RBFOX1: variants seen among roughly 807,000 people sequenced by gnomAD.
The protein encoded by RBFOX1 is RNA binding protein fox-1 homolog 1.
Under a neutral mutation model 57.7 loss-of-function variants are expected in RBFOX1, and 8 were observed. That is an observed-to-expected ratio of 0.14 (90% confidence interval 0.08 to 0.25). RBFOX1 has a LOEUF of 0.25. Among genes scored for constraint, RBFOX1 ranks in the 10% least tolerant of loss-of-function variants. The probability of loss-of-function intolerance (pLI) is 1.00; values close to 1 mark genes in which losing one functional copy is unlikely to be tolerated. For missense variants in RBFOX1, 611 were observed against 548.5 expected, an observed-to-expected ratio of 1.11 and a Z score of -1.14; for synonymous variants, 326 against 222.4, an observed-to-expected ratio of 1.47 and a Z score of -4.15.
chr16:7,360,719 C>T (rs1204183297), intron 4 of RBFOX1, among the ~76,000 whole-genome samples: 4 of 152,208 alleles, frequency 2.6e-5, no homozygotes, highest in East Asian at 1.9e-4. Flanking sequence ...ATGCTGTCAA[C>T]ACACAGCCAA....
intron 3 of RBFOX1, among the ~76,000 whole-genome samples, chr16:6,976,168 G>A (rs8044802): frequency 0.04 from 6,046 of 152,116 alleles, 401 homozygotes; most frequent in African/African-American, 0.14. Flanking sequence ...GCATTAACTG[G>A]TGCTTTGCTA....
intron 2 of RBFOX1, among the ~76,000 whole-genome samples, chr16:5,545,667 A>T (rs974567311): frequency 6.6e-5 from 10 of 152,148 alleles, no homozygotes; most frequent in African/African-American, 1.2e-4. Flanking sequence ...ATTAAAAAAA[A>T]ACCCCTCATC....
intron 2 of RBFOX1, among the ~76,000 whole-genome samples, chr16:6,618,748 G>A (rs1005003395): frequency 6.6e-6 from 1 of 152,130 alleles, no homozygotes; most frequent in Admixed American, 6.5e-5. Context: ...AAAGCTGGCT[G>A]CTCATGGTAA....
chr16:5,942,584 C>T (rs964344913), intron 4 of RBFOX1, among the ~76,000 whole-genome samples: 1 of 152,152 alleles, frequency 6.6e-6, no homozygotes, highest in Non-Finnish European at 1.5e-5. Flanking sequence ...GGATTCAAGT[C>T]CCTTTCATGA....
intron 2 of RBFOX1, among the ~76,000 whole-genome samples, chr16:6,471,936 A>C (rs2095184466): frequency 6.6e-6 from 1 of 152,186 alleles, no homozygotes; most frequent in South Asian, 2.1e-4. Context: ...AGCCAAGGCA[A>C]CAACTTCCCC....
chr16:6,837,697 C>T (rs529517843), intron 3 of RBFOX1, among the ~76,000 whole-genome samples: 1 of 152,280 alleles, frequency 6.6e-6, no homozygotes, highest in Admixed American at 6.5e-5. Flanking sequence ...ATGTGCTAAT[C>T]ACTGTGGGCA....
intron 4 of RBFOX1, among the ~76,000 whole-genome samples, chr16:7,072,152 G>C (rs999238906): frequency 6.6e-6 from 1 of 152,134 alleles, no homozygotes; most frequent in Non-Finnish European, 1.5e-5. Flanking sequence ...TACAACTGTT[G>C]TCCTGGTATA....
intron 4 of RBFOX1, among the ~76,000 whole-genome samples, chr16:7,273,974 A>G (rs989780026): frequency 6.6e-6 from 1 of 152,216 alleles, no homozygotes; most frequent in Non-Finnish European, 1.5e-5. Flanking sequence ...ATCCCCAAGG[A>G]TAGTTCCTGA....
At chr16:6,588,057 G>A (rs749692003) in intron 2 of RBFOX1, among the ~76,000 whole-genome samples, 14 of 148,672 alleles carry the variant, frequency 9.4e-5, no homozygotes, top group African/African-American at 2.2e-4. Flanking sequence ...TGGTGAAACC[G>A]CTGTCTCTAC....
chr16:6,900,392 G>T lies in RBFOX1; in HGVS notation c.-15-151665G>T, dbSNP rs534093050. Among the ~76,000 whole-genome samples, 12 of 152,230 alleles carry T rather than the reference G, an allele frequency of 7.9e-5. No homozygotes were observed. The South Asian group carries it at 1.0e-3, about 13-fold the overall frequency. On this transcript the variant is annotated intron_variant, in intron 3 of 15. Coordinates refer to ENST00000550418, the MANE Select transcript of RBFOX1 (RefSeq NM_018723.4). ...AACCTCTATCCATGCTCCCATCAAG[G>T]AAAAAGATTTTGAAACATCTAATCA...
At chr16:5,399,732 T>G (rs1284540563) in intron 1 of RBFOX1, among the ~76,000 whole-genome samples, 1 of 148,370 alleles carries the variant, frequency 6.7e-6, no homozygotes, top group Non-Finnish European at 1.5e-5. Flanking sequence ...AGACCCTGTC[T>G]TAAAAAAAAA....
At chr16:6,584,303 A>C (rs2097575779) in intron 2 of RBFOX1, among the ~76,000 whole-genome samples, 1 of 150,698 alleles carries the variant, frequency 6.6e-6, no homozygotes, top group African/African-American at 2.4e-5. Context: ...TAGGAACTAG[A>C]AGAGCAGAGA....
At chr16:6,263,279 G>A (rs1279661799) in intron 1 of RBFOX1, among the ~76,000 whole-genome samples, 3 of 152,168 alleles carry the variant, frequency 2.0e-5, no homozygotes, top group Non-Finnish European at 2.9e-5. Flanking sequence ...GTCTTAGCTG[G>A]AATCATTCTA....
chr16:5,833,997 C>T (rs1299907984), intron 3 of RBFOX1, among the ~76,000 whole-genome samples: 1 of 152,194 alleles, frequency 6.6e-6, no homozygotes, highest in Admixed American at 6.5e-5. Flanking sequence ...CCTGCAAATG[C>T]ACATAAAACA....
At chr16:5,628,554 A>G (rs953668980) in intron 3 of RBFOX1, among the ~76,000 whole-genome samples, 5 of 152,184 alleles carry the variant, frequency 3.3e-5, no homozygotes, top group African/African-American at 7.2e-5. Context: ...AAACAACTCA[A>G]ACATAAAGTC....
At chr16:7,357,710 T>C (rs937970702) in intron 4 of RBFOX1, among the ~76,000 whole-genome samples, 2 of 152,224 alleles carry the variant, frequency 1.3e-5, no homozygotes, top group East Asian at 3.8e-4. Flanking sequence ...GCCCTGCCCA[T>C]GCTCAGAGGA....
intron 1 of RBFOX1, among the ~76,000 whole-genome samples, chr16:6,087,701 T>G (rs2096108638): frequency 1.3e-5 from 2 of 151,748 alleles, no homozygotes; most frequent in African/African-American, 4.8e-5. Context: ...TTCACCAGGC[T>G]GGGTGCCGTG....
intron 3 of RBFOX1, among the ~76,000 whole-genome samples, chr16:6,910,395 G>C (rs1567835839): frequency 6.6e-6 from 1 of 152,162 alleles, no homozygotes. Context: ...AAAGAGGAGA[G>C]CTTTAACTTT....
intron 14 of RBFOX1, chr16:7,693,432 T>TTTC: frequency 1.5e-6 from 2 of 1,296,646 alleles, no homozygotes; most frequent in South Asian, 2.6e-5. Context: ...TTTTTTTTTT[T>TTTC]TTCTTCTTCA....
Sources: allele counts gnomAD v4.1 joint callset (sites outside exome capture counted in the v4.1 genomes callset), GRCh38; gene constraint gnomAD v4.1.1; transcripts MANE v1.5; gene names NCBI Gene and HGNC (gene_info 2026-07-23, HGNC 2026-07-21).